The following PLA2G10 variants were observed in gnomAD, a reference collection of about 807,000 sequenced individuals.
The protein encoded by PLA2G10 is group 10 secretory phospholipase A2.
In PLA2G10, 9 loss-of-function variants were observed where a neutral mutation model predicts 7.9. The ratio of observed to expected loss-of-function variants is 1.14; its 90% CI spans 0.68 to 1.98. The LOEUF (loss-of-function observed/expected upper bound fraction) is 1.98. Ranked by LOEUF, PLA2G10 falls within the 30% of genes most tolerant of loss-of-function variation. The pLI is 0.00. For missense variants in PLA2G10, 53 were observed against 65.4 expected (o/e 0.81, Z 0.66); for synonymous variants, 19 against 27.5 (o/e 0.69, Z 0.97).
At position 14,672,677 on chromosome 16, in the gene PLA2G10, G is replaced by T. The variant is rs987957414; in HGVS notation, c.428C>A (p.Thr143Asn). ...DQEIANCLAQ[T>N]EYNLKYLFYP... ...GAAGAGGTACTTTAAGTTGTACTCA[G>T]TTTGGGCTAAGCAGTTAGCAATCTC... Residue 143 changes from threonine to asparagine, a missense_variant, in exon 4 of 4, where the codon ACT becomes AAT. Transcript: ENST00000438167. The T allele has an allele frequency of 3.1e-6, 5 of 1,613,938 alleles. No homozygotes were observed. Among genetic ancestry groups the T allele is most frequent in the Non-Finnish European group, 4.2e-6 (5 of 1,179,906 alleles).
chr16:14,682,667 T>C (rs1300975259), intron 3 of PLA2G10, among the ~76,000 whole-genome samples: 1 of 152,208 alleles, frequency 6.6e-6, no homozygotes, highest in Non-Finnish European at 1.5e-5. Context: ...AACCTGGAGT[T>C]TTAATCAAGA....
At chr16:14,682,290 T>C (rs999654526) in intron 3 of PLA2G10, among the ~76,000 whole-genome samples, 4 of 152,142 alleles carry the variant, frequency 2.6e-5, no homozygotes, top group African/African-American at 9.7e-5. Flanking sequence ...TCTAAAAACA[T>C]ACTTCAAGTA....
intron 3 of PLA2G10, among the ~76,000 whole-genome samples, chr16:14,685,764 G>A (rs371280610): frequency 2.0e-5 from 3 of 151,680 alleles, no homozygotes; most frequent in African/African-American, 2.4e-5. Context: ...GTGCAGTCTC[G>A]GCTCACTGCA....
rs960697111 is a variant in PLA2G10 at position 14,677,811 on chromosome 16, TGATG to T, written c.356-5066_356-5063del. On this transcript the variant is annotated intron_variant, in intron 3 of 3. Coordinates refer to ENST00000438167, the MANE Select transcript of PLA2G10 (RefSeq NM_003561.3). ...GATGGATGGAAGATGGGTGGATGGA[TGATG>T]GATGGATGGAAATTGGATGGATGGG... Among the ~76,000 whole-genome samples, 19 of 149,468 alleles carry T rather than the reference TGATG, an allele frequency of 1.3e-4. No individual in the cohort carries two copies. The East Asian group carries it at 2.0e-3, about 16-fold the overall frequency.
At chr16:14,678,435 C>T (rs1369595129) in intron 3 of PLA2G10, among the ~76,000 whole-genome samples, 1 of 152,200 alleles carries the variant, frequency 6.6e-6, no homozygotes, top group Non-Finnish European at 1.5e-5. Flanking sequence ...TTTCCCTCTC[C>T]TGGGTTTGTA....
chr16:14,677,923 T>C (rs1960771164), intron 3 of PLA2G10, among the ~76,000 whole-genome samples: 1 of 151,830 alleles, frequency 6.6e-6, no homozygotes, highest in African/African-American at 2.4e-5. Context: ...GGATGGATGA[T>C]GGATGGATGG....
At chr16:14,681,110 G>A (rs1489372684) in intron 3 of PLA2G10, among the ~76,000 whole-genome samples, 2 of 151,790 alleles carry the variant, frequency 1.3e-5, no homozygotes, top group Non-Finnish European at 2.9e-5. Context: ...GTTGCAGTGA[G>A]CTGAGATAGC....
chr16:14,674,699 A>G (rs1597005493), intron 3 of PLA2G10, among the ~76,000 whole-genome samples: 1 of 145,052 alleles, frequency 6.9e-6, no homozygotes, highest in East Asian at 2.0e-4. Context: ...GACTCCATCT[A>G]AAAAAAAAAA....
chr16:14,682,485 G>T (rs1960920329), intron 3 of PLA2G10, among the ~76,000 whole-genome samples: 1 of 152,072 alleles, frequency 6.6e-6, no homozygotes, highest in African/African-American at 2.4e-5. Flanking sequence ...TGAGGCATGA[G>T]AATCACTTGA....
chr16:14,673,760 C>A (rs1198008217), intron 3 of PLA2G10, among the ~76,000 whole-genome samples: 1 of 152,094 alleles, frequency 6.6e-6, no homozygotes, highest in Non-Finnish European at 1.5e-5. Flanking sequence ...TGATAGATGA[C>A]AAACCCATAG....
chr16:14,685,444 G>A (rs976290700), intron 3 of PLA2G10, among the ~76,000 whole-genome samples: 1 of 151,718 alleles, frequency 6.6e-6, no homozygotes, highest in East Asian at 1.9e-4. Flanking sequence ...CAGGAACATA[G>A]TGTATGATTC....
At chr16:14,676,547 C>T (rs1965689) in intron 3 of PLA2G10, among the ~76,000 whole-genome samples, 16 of 152,202 alleles carry the variant, frequency 1.1e-4, no homozygotes, top group South Asian at 4.1e-4. Context: ...GGCGTGGTGG[C>T]GCATGCCTGT....
chr16:14,676,635 C>T lies in PLA2G10; in HGVS notation c.356-3886G>A, dbSNP rs527996802. Among the ~76,000 whole-genome samples the T allele has an allele frequency of 1.8e-4, 28 of 152,008 alleles. 1 individual carries two copies. The highest frequency in any genetic ancestry group is 3.4e-4 in the Non-Finnish European group (23 of 67,994). The stretch of plus-strand genomic sequence containing the variant: ...TGGAGGTTGCAGGGGGCCAAGATCA[C>T]GCCACTGCACTCCAACCTGGGTGAC... On this transcript the variant is annotated intron_variant, in intron 3 of 3. Coordinates refer to ENST00000438167, the MANE Select transcript of PLA2G10 (RefSeq NM_003561.3).
chr16:14,686,595 G>T (rs1477496846), intron 3 of PLA2G10, among the ~76,000 whole-genome samples: 1 of 152,138 alleles, frequency 6.6e-6, no homozygotes, highest in Non-Finnish European at 1.5e-5. Context: ...GTGCCTCCTG[G>T]ATTCAAGTGA....
chr16:14,674,950 T>C (rs1428326120), intron 3 of PLA2G10, among the ~76,000 whole-genome samples: 2 of 152,160 alleles, frequency 1.3e-5, no homozygotes, highest in South Asian at 2.1e-4. Context: ...GGCAAGCGGA[T>C]CACCTGAGGT....
At chr16:14,675,749 G>T (rs977327683) in intron 3 of PLA2G10, among the ~76,000 whole-genome samples, 10 of 151,604 alleles carry the variant, frequency 6.6e-5, no homozygotes, top group African/African-American at 2.4e-4. Flanking sequence ...GACCAGCCTA[G>T]CCAACATGGT....
intron 3 of PLA2G10, among the ~76,000 whole-genome samples, chr16:14,679,669 AAAAAAAT>A (rs1960831356): frequency 6.7e-6 from 1 of 150,318 alleles, no homozygotes; most frequent in Admixed American, 6.6e-5. Flanking sequence ...TCAAAAAAAA[AAAAAAAT>A]AATAATAATA....
intron 3 of PLA2G10, among the ~76,000 whole-genome samples, chr16:14,685,550 C>G (rs188961393): frequency 3.0e-4 from 45 of 151,910 alleles, no homozygotes; most frequent in Admixed American, 1.4e-3. Context: ...GGAATGGGAA[C>G]GGATTGCTTA....
chr16:14,680,731 A>G (rs1445636671), intron 3 of PLA2G10, among the ~76,000 whole-genome samples: 3 of 152,094 alleles, frequency 2.0e-5, no homozygotes, highest in Non-Finnish European at 2.9e-5. Flanking sequence ...TCTCAACACA[A>G]TAGTTACAAA....
Sources: gnomAD v4.1 joint callset for allele counts (sites outside exome capture counted in the v4.1 genomes callset) on GRCh38, gnomAD v4.1.1 for gene constraint, MANE v1.5 for transcripts, NCBI Gene and HGNC (gene_info 2026-07-23, HGNC 2026-07-21) for gene names.